Variants in CACNA2D3 observed in about 807,000 individuals in gnomAD.
CACNA2D3 encodes the protein calcium voltage-gated channel auxiliary subunit alpha2delta 3.
Under a neutral mutation model 160.6 loss-of-function variants are expected in CACNA2D3, and 60 were observed. The ratio of observed to expected loss-of-function variants is 0.37; its 90% CI spans 0.30 to 0.46. CACNA2D3 has a LOEUF of 0.46. Among genes scored for constraint, CACNA2D3 ranks in the 20% least tolerant of loss-of-function variants. The pLI is 1.00. For synonymous variants in CACNA2D3, 558 were observed against 492.9 expected (o/e 1.13, Z -1.75); for missense variants, 1,205 against 1,365.0 (o/e 0.88, Z 1.85).
chr3:54,564,008 A>T (rs1005961029), intron 6 of CACNA2D3, among the ~76,000 whole-genome samples: 1 of 152,226 alleles, frequency 6.6e-6, no homozygotes, highest in African/African-American at 2.4e-5. Flanking sequence ...AGATAATGCC[A>T]TAATAAACAG....
intron 3 of CACNA2D3, among the ~76,000 whole-genome samples, chr3:54,351,726 A>G (rs1303212557): frequency 6.6e-6 from 1 of 152,128 alleles, no homozygotes; most frequent in Non-Finnish European, 1.5e-5. Flanking sequence ...TCTGCCTACC[A>G]CCCTATATAA....
At chr3:54,631,300 A>G (rs950995523) in intron 10 of CACNA2D3, among the ~76,000 whole-genome samples, 1 of 151,502 alleles carries the variant, frequency 6.6e-6, no homozygotes, top group African/African-American at 2.4e-5. Flanking sequence ...TATTTGTTTG[A>G]GTGCACATTT....
intron 2 of CACNA2D3, among the ~76,000 whole-genome samples, chr3:54,125,972 AT>A (rs1699582880): frequency 6.6e-6 from 1 of 152,214 alleles, no homozygotes; most frequent in Admixed American, 6.5e-5. Flanking sequence ...GAGTTAGAAA[AT>A]TTGGCTGGAA....
chr3:54,548,346 A>G (rs1478841616), intron 5 of CACNA2D3, among the ~76,000 whole-genome samples: 1 of 152,238 alleles, frequency 6.6e-6, no homozygotes, highest in Non-Finnish European at 1.5e-5. Context: ...AACATCATGA[A>G]ATACATAACT....
intron 11 of CACNA2D3, among the ~76,000 whole-genome samples, chr3:54,678,966 TTTC>T (rs1700295190): frequency 6.6e-6 from 1 of 152,070 alleles, no homozygotes; most frequent in Non-Finnish European, 1.5e-5. Context: ...CAGGAATAGG[TTTC>T]TTCTTTGTGG....
chr3:54,385,274 G>C (rs991660821), intron 3 of CACNA2D3, among the ~76,000 whole-genome samples: 4 of 152,150 alleles, frequency 2.6e-5, no homozygotes, highest in Non-Finnish European at 4.4e-5. Flanking sequence ...GCCAGTGTGG[G>C]TCTGCACTTT....
rs147063978 is a variant in CACNA2D3 at position 54,537,323 on chromosome 3, A to G, written c.545-25477A>G. Among the ~76,000 whole-genome samples, 259 of 152,190 alleles carry G rather than the reference A, an allele frequency of 1.7e-3. 2 individuals carry two copies. The highest frequency in any genetic ancestry group is 6.0e-3 in the African/African-American group (248 of 41,544). On this transcript the variant is annotated intron_variant, in intron 5 of 37. Coordinates refer to ENST00000474759, the MANE Select transcript of CACNA2D3 (RefSeq NM_018398.3). ...GGGCTCTGGACTAGAGGGCATGGTTAAATTCTTGCCCTCACCTCTCCATGC... is the reference window on the plus strand; with the variant it reads ...GGGCTCTGGACTAGAGGGCATGGTTGAATTCTTGCCCTCACCTCTCCATGC...
intron 10 of CACNA2D3, among the ~76,000 whole-genome samples, chr3:54,636,658 T>C (rs1232255636): frequency 6.6e-6 from 1 of 151,990 alleles, no homozygotes; most frequent in Non-Finnish European, 1.5e-5. Flanking sequence ...GGCTCTTGTG[T>C]AAGAATTCTG....
At chr3:54,821,374 A>G (rs1703586836) in intron 14 of CACNA2D3, among the ~76,000 whole-genome samples, 2 of 152,202 alleles carry the variant, frequency 1.3e-5, no homozygotes, top group Admixed American at 1.3e-4. Context: ...TGCCTCCTTG[A>G]ACAAACACAG....
chr3:54,125,168 G>T (rs747631480), intron 2 of CACNA2D3, among the ~76,000 whole-genome samples: 6 of 151,314 alleles, frequency 4.0e-5, no homozygotes, highest in Middle Eastern at 3.4e-3. Flanking sequence ...ATATTTTTTG[G>T]TTGTGCTTTC....
intron 35 of CACNA2D3, among the ~76,000 whole-genome samples, chr3:55,057,059 T>C (rs1426888194): frequency 6.6e-6 from 1 of 152,158 alleles, no homozygotes; most frequent in Non-Finnish European, 1.5e-5. Flanking sequence ...AATTTCCATG[T>C]GTCATGGGAG....
At chr3:54,516,222 T>C (rs980494596) in intron 5 of CACNA2D3, among the ~76,000 whole-genome samples, 1 of 152,192 alleles carries the variant, frequency 6.6e-6, no homozygotes, top group African/African-American at 2.4e-5. Context: ...CATTTGAAAG[T>C]TCACACCTCA....
intron 2 of CACNA2D3, among the ~76,000 whole-genome samples, chr3:54,216,672 A>G (rs138570774): frequency 1.2e-4 from 18 of 152,354 alleles, no homozygotes; most frequent in African/African-American, 4.1e-4. Context: ...GCTTTTTACC[A>G]TCAGTGATTT....
intron 3 of CACNA2D3, among the ~76,000 whole-genome samples, chr3:54,321,675 G>A (rs1247269504): frequency 6.6e-6 from 1 of 152,156 alleles, no homozygotes; most frequent in African/African-American, 2.4e-5. Context: ...GGTCACATGA[G>A]GAGTGAGAGA....
intron 2 of CACNA2D3, among the ~76,000 whole-genome samples, chr3:54,196,195 G>A (rs1701077189): frequency 6.6e-6 from 1 of 152,142 alleles, no homozygotes; most frequent in African/African-American, 2.4e-5. Context: ...TAAACCATTT[G>A]CCTTTGATTC....
At chr3:54,846,888 T>C (rs1006085206) in intron 17 of CACNA2D3, among the ~76,000 whole-genome samples, 4 of 152,214 alleles carry the variant, frequency 2.6e-5, no homozygotes, top group Admixed American at 6.5e-5. Flanking sequence ...TGGAAATTTA[T>C]TACAATGGGA....
chr3:54,927,440 G>T (rs1467891088), intron 27 of CACNA2D3, among the ~76,000 whole-genome samples: 1 of 152,124 alleles, frequency 6.6e-6, no homozygotes, highest in Non-Finnish European at 1.5e-5. Context: ...CCTCAGTAAT[G>T]AACGGACACC....
intron 11 of CACNA2D3, among the ~76,000 whole-genome samples, chr3:54,671,440 G>T (rs540367077): frequency 6.6e-6 from 1 of 152,192 alleles, no homozygotes; most frequent in East Asian, 1.9e-4. Context: ...TAAAGGCTTG[G>T]CTGGTGCCTC....
At chr3:54,560,850 T>A (rs1290090750) in intron 5 of CACNA2D3, among the ~76,000 whole-genome samples, 2 of 152,216 alleles carry the variant, frequency 1.3e-5, no homozygotes, top group Non-Finnish European at 2.9e-5. Context: ...CCCCATTGCT[T>A]GTTTTTGTCA....
Sources: gnomAD v4.1 joint callset for allele counts (sites outside exome capture counted in the v4.1 genomes callset) on GRCh38, gnomAD v4.1.1 for gene constraint, MANE v1.5 for transcripts, NCBI Gene and HGNC (gene_info 2026-07-23, HGNC 2026-07-21) for gene names.